GRID2: variants seen among roughly 807,000 people sequenced by gnomAD.
The protein encoded by GRID2 is glutamate receptor ionotropic, delta-2.
In GRID2, 33 loss-of-function variants were observed where a neutral mutation model predicts 114.8. The ratio of observed to expected loss-of-function variants is 0.29; its 90% CI spans 0.22 to 0.38. The LOEUF is 0.38. Ranked by LOEUF, GRID2 falls within the 10% of genes least tolerant of loss-of-function variation. GRID2 has a pLI of 1.00. For synonymous variants in GRID2, 505 were observed against 449.9 expected (o/e 1.12, Z -1.55); for missense variants, 1,184 against 1,257.7 (o/e 0.94, Z 0.89).
intron 8 of GRID2, among the ~76,000 whole-genome samples, chr4:93,341,140 A>G (rs553116571): frequency 6.6e-6 from 1 of 152,206 alleles, no homozygotes; most frequent in Non-Finnish European, 1.5e-5. Flanking sequence ...AATGATAAAA[A>G]CATATCCATA....
intron 14 of GRID2, among the ~76,000 whole-genome samples, chr4:93,727,920 T>C (rs1214859522): frequency 6.6e-6 from 1 of 152,178 alleles, no homozygotes; most frequent in African/African-American, 2.4e-5. Context: ...ATTTTGTTGA[T>C]CCTTTCAAAA....
At chr4:93,627,785 G>T (rs902520934) in intron 14 of GRID2, among the ~76,000 whole-genome samples, 4 of 152,296 alleles carry the variant, frequency 2.6e-5, no homozygotes, top group Admixed American at 1.3e-4. Flanking sequence ...TGTTCCATCT[G>T]CCCACAGATC....
chr4:93,492,253 T>C (rs1261888460), intron 12 of GRID2, among the ~76,000 whole-genome samples: 1 of 151,964 alleles, frequency 6.6e-6, no homozygotes, highest in Non-Finnish European at 1.5e-5. Context: ...GATTTTGTGA[T>C]GCATTAGCTT....
intron 13 of GRID2, among the ~76,000 whole-genome samples, chr4:93,567,504 A>G (rs1388733749): frequency 6.6e-6 from 1 of 152,226 alleles, no homozygotes; most frequent in Admixed American, 6.5e-5. Context: ...CTGGTCTTAG[A>G]TTTGTGAACA....
At chr4:92,778,778 G>T (rs138882412) in intron 2 of GRID2, among the ~76,000 whole-genome samples, 7 of 152,090 alleles carry the variant, frequency 4.6e-5, no homozygotes, top group African/African-American at 1.4e-4. Context: ...ATATTTACAG[G>T]CCATTTCCCA....
chr4:93,150,427 A>AAT (rs1736630138), intron 4 of GRID2, among the ~76,000 whole-genome samples: 1 of 152,064 alleles, frequency 6.6e-6, no homozygotes, highest in African/African-American at 2.4e-5. Context: ...GAATAAGGAG[A>AAT]ATATAGGGTG....
chr4:93,275,593 C>T (rs1216187340), intron 8 of GRID2, among the ~76,000 whole-genome samples: 1 of 151,824 alleles, frequency 6.6e-6, no homozygotes, highest in Non-Finnish European at 1.5e-5. Flanking sequence ...ATCTTCACCA[C>T]CACTTATTTC....
chr4:92,643,212 T>C (rs1016555536), intron 2 of GRID2, among the ~76,000 whole-genome samples: 9 of 151,822 alleles, frequency 5.9e-5, no homozygotes, highest in African/African-American at 1.2e-4. Flanking sequence ...TTCAATGATA[T>C]TGATTCTTCT....
intron 2 of GRID2, among the ~76,000 whole-genome samples, chr4:92,713,154 A>C (rs1320290019): frequency 4.8e-5 from 7 of 145,654 alleles, no homozygotes; most frequent in South Asian, 2.2e-4. Context: ...CGCTCCCCCC[A>C]CCCCACAACA....
At chr4:92,342,710 T>G (rs1727561347) in intron 1 of GRID2, among the ~76,000 whole-genome samples, 1 of 152,218 alleles carries the variant, frequency 6.6e-6, no homozygotes, top group Admixed American at 6.5e-5. Context: ...CACCATAAAG[T>G]GAGTATATTG....
chr4:93,051,276 A>G (rs1726685376), intron 2 of GRID2, among the ~76,000 whole-genome samples: 1 of 152,074 alleles, frequency 6.6e-6, no homozygotes, highest in Non-Finnish European at 1.5e-5. Flanking sequence ...ACTGATTAAG[A>G]AGAAATAAAA....
intron 1 of GRID2, among the ~76,000 whole-genome samples, chr4:92,396,653 A>G (rs1271224857): frequency 6.6e-6 from 1 of 152,062 alleles, no homozygotes; most frequent in Non-Finnish European, 1.5e-5. Flanking sequence ...AAATGCCAAC[A>G]GGTGTATAAA....
At chr4:92,641,345 C>T (rs1332622489) in intron 2 of GRID2, among the ~76,000 whole-genome samples, 1 of 151,416 alleles carries the variant, frequency 6.6e-6, no homozygotes, top group Non-Finnish European at 1.5e-5. Flanking sequence ...ACAGGCTGGA[C>T]TCAATCATGG....
intron 12 of GRID2, among the ~76,000 whole-genome samples, chr4:93,513,895 A>G (rs1468828664): frequency 6.6e-6 from 1 of 152,180 alleles, no homozygotes; most frequent in Non-Finnish European, 1.5e-5. Flanking sequence ...GCCCAATGCT[A>G]CTGTTGGTTG....
At chr4:92,557,061 A>T (rs1560709822) in intron 1 of GRID2, among the ~76,000 whole-genome samples, 1 of 152,212 alleles carries the variant, frequency 6.6e-6, no homozygotes. Context: ...TTTTAATTTT[A>T]TAAGGAGAAA....
chr4:93,794,317 C>G (rs2110361178), intron 1 of GRID2, among the ~76,000 whole-genome samples: 1 of 152,300 alleles, frequency 6.6e-6, no homozygotes, highest in South Asian at 2.1e-4. Flanking sequence ...TGTGCACTTT[C>G]CAAAGATTAA....
chr4:92,691,945 G>C (rs578119741), intron 2 of GRID2, among the ~76,000 whole-genome samples: 1 of 151,956 alleles, frequency 6.6e-6, no homozygotes, highest in Non-Finnish European at 1.5e-5. Flanking sequence ...CTGATTCTCT[G>C]TTTTAATAGT....
At chr4:92,949,762 C>G (rs1292440178) in intron 2 of GRID2, among the ~76,000 whole-genome samples, 1 of 151,774 alleles carries the variant, frequency 6.6e-6, no homozygotes, top group African/African-American at 2.4e-5. Context: ...CAAATTGAAA[C>G]TGAACTGATG....
At chr4:93,120,030 T>C (rs1426270917) in intron 4 of GRID2, among the ~76,000 whole-genome samples, 17 of 152,172 alleles carry the variant, frequency 1.1e-4, no homozygotes. Context: ...GAAATGCAAA[T>C]TGAAACCACA....
Sources: gnomAD v4.1 joint callset for allele counts (sites outside exome capture counted in the v4.1 genomes callset) on GRCh38, gnomAD v4.1.1 for gene constraint, MANE v1.5 for transcripts, NCBI Gene and HGNC (gene_info 2026-07-23, HGNC 2026-07-21) for gene names.